Variants in NUBPL observed in about 807,000 individuals in gnomAD.
NUBPL encodes the protein NUBP iron-sulfur cluster assembly factor, mitochondrial, also known as iron-sulfur cluster transfer protein NUBPL.
NUBPL carries 31 observed loss-of-function variants against 45.7 expected under a neutral mutation model. The ratio of observed to expected loss-of-function variants is 0.68; its 90% CI spans 0.51 to 0.92. The LOEUF is 0.92. Among genes scored for constraint, NUBPL ranks in the 40% least tolerant of loss-of-function variants. NUBPL has a pLI of 0.00. For synonymous variants in NUBPL, 144 were observed against 140.9 expected, an observed-to-expected ratio of 1.02 and a Z score of -0.15; for missense variants, 401 against 398.7, an observed-to-expected ratio of 1.01 and a Z score of -0.05.
intron 6 of NUBPL, among the ~76,000 whole-genome samples, chr14:31,677,088 A>C (rs2036718444): frequency 6.6e-6 from 1 of 152,136 alleles, no homozygotes; most frequent in African/African-American, 2.4e-5. Context: ...TATGGGGTAC[A>C]TGAGATATTT....
intron 6 of NUBPL, among the ~76,000 whole-genome samples, chr14:31,751,377 C>T (rs1484995925): frequency 1.3e-5 from 2 of 152,246 alleles, no homozygotes; most frequent in Non-Finnish European, 2.9e-5. Context: ...TTCCAAGATA[C>T]AATGGGAGTA....
intron 6 of NUBPL, among the ~76,000 whole-genome samples, chr14:31,754,783 G>T (rs2038617932): frequency 6.7e-6 from 1 of 150,098 alleles, no homozygotes. Flanking sequence ...GTGCCATGTT[G>T]GTTTGCTGCA....
intron 6 of NUBPL, among the ~76,000 whole-genome samples, chr14:31,743,448 C>T (rs1011310504): frequency 1.1e-4 from 16 of 152,230 alleles, no homozygotes; most frequent in East Asian, 7.7e-4. Context: ...GGCGCAATCT[C>T]GGCTCACTGC....
chr14:31,768,684 A>G (rs778875360), intron 6 of NUBPL, among the ~76,000 whole-genome samples: 2 of 152,202 alleles, frequency 1.3e-5, no homozygotes, highest in Non-Finnish European at 2.9e-5. Flanking sequence ...TCACTCTTAA[A>G]GGAAAAAGAA....
rs149110756 is a variant in NUBPL at position 31,826,750 on chromosome 14, A to G, written c.693+36A>G. On this transcript the variant is annotated intron_variant, in intron 8 of 10. Coordinates refer to ENST00000281081, the MANE Select transcript of NUBPL (RefSeq NM_025152.3). ...ACAGCTTCACTGTGAAAAATATAAA[A>G]CTCTTCTAACTGAAGAAGCAAGTCA... is the stretch of plus-strand genomic sequence containing the variant. 25 of 1,548,500 alleles carry G rather than the reference A, an allele frequency of 1.6e-5. No individual in the cohort carries two copies. In the East Asian group the frequency reaches 5.6e-4, roughly 35 times the overall value.
intron 6 of NUBPL, among the ~76,000 whole-genome samples, chr14:31,723,143 TG>T (rs1226891029): frequency 1.3e-5 from 2 of 152,200 alleles, no homozygotes; most frequent in Non-Finnish European, 2.9e-5. Flanking sequence ...AGGGGTCCAG[TG>T]TGAATCTTCT....
chr14:31,799,137 G>C (rs2039531203), intron 7 of NUBPL, among the ~76,000 whole-genome samples: 3 of 151,990 alleles, frequency 2.0e-5, no homozygotes, highest in Non-Finnish European at 4.4e-5. Flanking sequence ...ACAATCTTTT[G>C]GAAAATATGT....
At chr14:31,743,440 C>T (rs1490138923) in intron 6 of NUBPL, among the ~76,000 whole-genome samples, 5 of 152,060 alleles carry the variant, frequency 3.3e-5, no homozygotes, top group East Asian at 3.9e-4. Flanking sequence ...AGTGCAGTGG[C>T]GCAATCTCGG....
chr14:31,577,827 T>C, intron 3 of NUBPL: 1 of 254,078 alleles, frequency 3.9e-6, no homozygotes, highest in East Asian at 1.8e-4. Flanking sequence ...CCAGCTCCTG[T>C]CATCCTTCAG....
intron 7 of NUBPL, among the ~76,000 whole-genome samples, chr14:31,819,531 T>C (rs2039979886): frequency 6.6e-6 from 1 of 152,186 alleles, no homozygotes; most frequent in Non-Finnish European, 1.5e-5. Context: ...AGTTGAGTTG[T>C]TCCACACTGG....
At chr14:31,629,437 G>A (rs1403723556) in intron 4 of NUBPL, among the ~76,000 whole-genome samples, 1 of 152,096 alleles carries the variant, frequency 6.6e-6, no homozygotes, top group African/African-American at 2.4e-5. Context: ...GTGATGTTAA[G>A]GTGGCTGGAA....
chr14:31,702,672 C>G (rs1330394149), intron 6 of NUBPL, among the ~76,000 whole-genome samples: 4 of 152,198 alleles, frequency 2.6e-5, no homozygotes, highest in African/African-American at 4.8e-5. Flanking sequence ...GTACAATTGA[C>G]TCTGACTATA....
At chr14:31,604,908 C>T (rs2034543621) in intron 4 of NUBPL, among the ~76,000 whole-genome samples, 1 of 152,138 alleles carries the variant, frequency 6.6e-6, no homozygotes, top group Admixed American at 6.5e-5. Flanking sequence ...TCTATGTTAT[C>T]ATGCAAAATT....
intron 4 of NUBPL, among the ~76,000 whole-genome samples, chr14:31,666,923 T>G (rs756548120): frequency 1.3e-5 from 2 of 152,220 alleles, no homozygotes; most frequent in Non-Finnish European, 2.9e-5. Context: ...AGAGATCTAC[T>G]GTTAGTCTGA....
intron 4 of NUBPL, among the ~76,000 whole-genome samples, chr14:31,640,973 G>A (rs996045924): frequency 6.6e-6 from 1 of 151,624 alleles, no homozygotes; most frequent in Non-Finnish European, 1.5e-5. Flanking sequence ...TTGTTTTTGA[G>A]ACAGAGTCCC....
At chr14:31,632,233 C>G (rs2035364095) in intron 4 of NUBPL, among the ~76,000 whole-genome samples, 1 of 151,606 alleles carries the variant, frequency 6.6e-6, no homozygotes, top group African/African-American at 2.4e-5. Context: ...GAGCAGTTTA[C>G]TGTCCCTACA....
At chr14:31,645,630 T>A (rs1238191202) in intron 4 of NUBPL, among the ~76,000 whole-genome samples, 1 of 152,184 alleles carries the variant, frequency 6.6e-6, no homozygotes, top group Non-Finnish European at 1.5e-5. Flanking sequence ...ATTAGTTTAT[T>A]TATTATAAGT....
chr14:31,570,066 C>T (rs2033541201), intron 3 of NUBPL, among the ~76,000 whole-genome samples: 1 of 152,116 alleles, frequency 6.6e-6, no homozygotes. Context: ...GTTCAGCAAA[C>T]ATTTATTGAG....
intron 4 of NUBPL, among the ~76,000 whole-genome samples, chr14:31,659,553 C>G (rs1399856269): frequency 6.6e-6 from 1 of 152,114 alleles, no homozygotes; most frequent in African/African-American, 2.4e-5. Context: ...TCTAGCCTTC[C>G]TTTTACTACA....
Sources: gnomAD v4.1 joint callset for allele counts (sites outside exome capture counted in the v4.1 genomes callset) on GRCh38, gnomAD v4.1.1 for gene constraint, MANE v1.5 for transcripts, NCBI Gene and HGNC (gene_info 2026-07-23, HGNC 2026-07-21) for gene names.